The following SAG variants were observed in gnomAD, a reference collection of about 807,000 sequenced individuals.
SAG encodes the protein S-antigen visual arrestin, also known as S-arrestin.
SAG carries 45 observed loss-of-function variants against 55.0 expected under a neutral mutation model. That is an observed-to-expected ratio of 0.82 (90% CI 0.64 to 1.05). The LOEUF (loss-of-function observed/expected upper bound fraction) is 1.05. SAG is among the 50% of genes least tolerant of loss of function. The pLI is 0.00. For missense variants in SAG, 455 were observed against 512.1 expected (o/e 0.89, Z 1.08); for synonymous variants, 189 against 197.4 (o/e 0.96, Z 0.36).
intron 2 of SAG, among the ~76,000 whole-genome samples, chr2:233,311,467 A>ATGAT (rs1361759483): frequency 6.6e-6 from 1 of 152,200 alleles, no homozygotes; most frequent in African/African-American, 2.4e-5. Flanking sequence ...GAAGAATTAG[A>ATGAT]TGATCGTAGT....
chr2:233,346,423 C>T lies in SAG; in HGVS notation c.1112+11C>T, dbSNP rs1701254334. The T allele has an allele frequency of 1.2e-6, 2 of 1,613,536 alleles. No individual in the cohort carries two copies. Among genetic ancestry groups the T allele is most frequent in the African/African-American group, 2.7e-5 (2 of 74,914 alleles). On this transcript the variant is annotated intron_variant, in intron 15 of 15. Transcript: ENST00000409110. ...TACAGCTAAGGAAAGGTGAGTGAGC[C>T]TCTTGAATGTGGCCCTGATTTGTCC...
chr2:233,341,329 A>G (rs1701096203), intron 13 of SAG, among the ~76,000 whole-genome samples: 1 of 152,182 alleles, frequency 6.6e-6, no homozygotes, highest in Non-Finnish European at 1.5e-5. Flanking sequence ...ATGATGCAGT[A>G]CATAACCTCA....
Position 233,340,419 on chromosome 2 carries a change from G to A in SAG, c.1023-36G>A. ...TGGGAAAGGGTCGTGTTACCACTGT[G>A]ACAGTTAACGACAGGCGTTTGTTTG... On this transcript the variant is annotated intron_variant, in intron 12 of 15. Transcript: ENST00000409110. This position sits in a 1 kb window ranked among gnomAD's most constrained non-coding sequence, Gnocchi z 4.2. 1 of 1,602,422 alleles carries A rather than the reference G, an allele frequency of 6.2e-7. No individual in the cohort carries two copies. Among genetic ancestry groups the A allele is most frequent in the Non-Finnish European group, 8.5e-7 (1 of 1,172,126 alleles).
chr2:233,313,307 T>C (rs527281044), intron 2 of SAG, among the ~76,000 whole-genome samples: 34 of 152,198 alleles, frequency 2.2e-4, no homozygotes, highest in African/African-American at 8.2e-4. Flanking sequence ...CTGTGGTGTT[T>C]GGGGGAGCTG....
At chr2:233,339,964 C>CTT (rs35781383) in intron 12 of SAG, among the ~76,000 whole-genome samples, 26 of 146,514 alleles carry the variant, frequency 1.8e-4, no homozygotes, top group African/African-American at 2.5e-4. Flanking sequence ...GCCCAGCCAA[C>CTT]TTTTTTTTTT....
At chr2:233,342,394 C>T in intron 14 of SAG, 68 bp downstream of exon 14, 1 of 1,280,190 alleles carries the variant, frequency 7.8e-7, no homozygotes, top group Non-Finnish European at 1.1e-6. Context: ...TGATGTATTT[C>T]TAGTCTTTCT....
intron 11 of SAG, 42 bp downstream of exon 11, chr2:233,335,141 G>A (rs1209406036): frequency 1.9e-6 from 3 of 1,588,242 alleles, no homozygotes; most frequent in Admixed American, 1.7e-5. Context: ...GGCAGGGCGG[G>A]CTGGTGCTGG....
chr2:233,321,333 G>T (rs1042612977), intron 5 of SAG, among the ~76,000 whole-genome samples: 1 of 152,202 alleles, frequency 6.6e-6, no homozygotes, highest in East Asian at 1.9e-4. Context: ...AGTCTTGGGC[G>T]TGAGCTCAAT....
Position 233,331,808 on chromosome 2 carries a change from G to C in SAG, c.806+96G>C, listed in dbSNP as rs1574946081. The C allele has an allele frequency of 1.0e-5, 9 of 886,814 alleles. No individual in the cohort carries two copies. The East Asian group carries it at 2.1e-4, about 21-fold the overall frequency. 54.9% of individuals were successfully genotyped at this position (886,814 alleles called of 1,614,324 possible). A position where few individuals can be genotyped will look rare whatever the true frequency, so the allele number is the denominator to read the frequency against. On this transcript the variant is annotated intron_variant, in intron 10 of 15. Transcript: ENST00000409110. ...GCTGAAGAAGGAACTAGAATGTTCA[G>C]CTAGCTCGCCAGCCTTCCACTTCCT...
Position 233,340,682 on chromosome 2 carries a change from C to T in SAG, c.1046+204C>T, listed in dbSNP as rs1243796368. ...GGACCAGATTTCTTTGGGACCACAG[C>T]TAGACCTATGCCTGGGTAAGGACAC... On this transcript the variant is annotated intron_variant, in intron 13 of 15. Transcript: ENST00000409110. The surrounding 1 kb of genome is among the most constrained non-coding windows in gnomAD (Gnocchi z 4.2). 6.6e-6 allele frequency among the ~76,000 whole-genome samples: 1 copy of T among 152,168 alleles called. No individual in the cohort carries two copies. The highest frequency in any genetic ancestry group is 1.5e-5 in the Non-Finnish European group (1 of 68,036).
chr2:233,338,961 C>A, intron 12 of SAG: 2 of 671,258 alleles, frequency 3.0e-6, no homozygotes, highest in South Asian at 1.5e-5. Context: ...GGTGGAGAAG[C>A]AGACTCTGAA....
intron 11 of SAG, among the ~76,000 whole-genome samples, chr2:233,336,638 A>G (rs1394644322): frequency 1.3e-5 from 2 of 152,204 alleles, no homozygotes; most frequent in South Asian, 2.1e-4. Context: ...AGAATGAAAG[A>G]CTTATCCAAG....
chr2:233,334,406 C>G (rs1477128308), intron 10 of SAG: 2 of 152,336 alleles, frequency 1.3e-5, no homozygotes, highest in Non-Finnish European at 2.9e-5. Context: ...AAATCTATAC[C>G]CCGACTGATG....
chr2:233,333,752 C>T (rs1700841013), intron 10 of SAG: 1 of 152,228 alleles, frequency 6.6e-6, no homozygotes. Flanking sequence ...CCTATTCCAG[C>T]CATCTTTACA....
At chr2:233,315,468 T>G (rs1278129763) in intron 2 of SAG, among the ~76,000 whole-genome samples, 1 of 151,388 alleles carries the variant, frequency 6.6e-6, no homozygotes, top group East Asian at 1.9e-4. Flanking sequence ...AATTTTTGTG[T>G]TTTTAGTAGA....
chr2:233,335,767 C>T (rs1325763776), intron 11 of SAG, among the ~76,000 whole-genome samples: 2 of 152,234 alleles, frequency 1.3e-5, no homozygotes, highest in African/African-American at 4.8e-5. Context: ...CCCAAGTCAG[C>T]GTCCACTGTC....
At chr2:233,314,821 G>A (rs920192604) in intron 2 of SAG, among the ~76,000 whole-genome samples, 4 of 152,298 alleles carry the variant, frequency 2.6e-5, no homozygotes, top group African/African-American at 4.8e-5. Context: ...AAAGGGGAGC[G>A]TATAGGAGAG....
chr2:233,310,999 C>A (rs1700063562), intron 2 of SAG, among the ~76,000 whole-genome samples: 2 of 152,138 alleles, frequency 1.3e-5, no homozygotes, highest in East Asian at 3.9e-4. Flanking sequence ...TCTTTCCAGT[C>A]CATTTTATCT....
intron 4 of SAG, chr2:233,320,092 T>A (rs1005189218): frequency 4.7e-6 from 3 of 643,016 alleles, no homozygotes; most frequent in East Asian, 1.4e-4. Flanking sequence ...CAGAGCAGCG[T>A]GAAAAGGAGG....
Sources: gnomAD v4.1 joint callset for allele counts (sites outside exome capture counted in the v4.1 genomes callset) on GRCh38, gnomAD v4.1.1 for gene constraint, Gnocchi (gnomAD v3.1) non-coding constraint, MANE v1.5 for transcripts, NCBI Gene and HGNC (gene_info 2026-07-23, HGNC 2026-07-21) for gene names.